Variants in SLC26A9 observed in about 807,000 individuals in gnomAD.
The protein encoded by SLC26A9 is anion transporter/exchanger protein 9.
SLC26A9 carries 46 observed loss-of-function variants against 87.1 expected under a neutral mutation model. That is an observed-to-expected ratio of 0.53 (90% CI 0.42 to 0.67). The LOEUF (loss-of-function observed/expected upper bound fraction) is 0.67. Ranked by LOEUF, SLC26A9 falls within the 30% of genes least tolerant of loss-of-function variation. The pLI, the probability that SLC26A9 is intolerant of heterozygous loss-of-function variation, is 0.00. For missense variants in SLC26A9, 927 were observed against 1,018.3 expected, an observed-to-expected ratio of 0.91 and a Z score of 1.22; for synonymous variants, 437 against 409.1, an observed-to-expected ratio of 1.07 and a Z score of -0.82.
rs376870604 is a variant in SLC26A9, at chr1:205,917,624, T to C, written c.2257-270A>G. Reference sequence around the variant, plus strand: ...GTTTTACTCAGCTTAGAAAAACTATTGGCTAGCTGCCTGACCTTGGGGAAT... The same window carrying C: ...GTTTTACTCAGCTTAGAAAAACTATCGGCTAGCTGCCTGACCTTGGGGAAT... On this transcript the variant is annotated intron_variant, in intron 19 of 20. Coordinates refer to ENST00000367135, the MANE Select transcript of SLC26A9 (RefSeq NM_052934.4). 1.0e-3 allele frequency among the ~76,000 whole-genome samples: 153 copies of C among 152,250 alleles called. 1 individual carries two copies. The highest frequency in any genetic ancestry group is 3.6e-3 in the African/African-American group (148 of 41,544).
rs563458297 is a variant in SLC26A9 at position 205,942,829 on chromosome 1, T to C, written c.-19+536A>G. 9.8e-5 allele frequency among the ~76,000 whole-genome samples: 15 copies of C among 152,298 alleles called. No individual in the cohort carries two copies. The South Asian group carries it at 1.7e-3, about 17-fold the overall frequency. ...ACCTCTTCCAACTTCTCAGGACTAATGGGGACACATGGGATTCTGTGTAGT... is the reference window on the plus strand; with the variant it reads ...ACCTCTTCCAACTTCTCAGGACTAACGGGGACACATGGGATTCTGTGTAGT... On this transcript the variant is annotated intron_variant, in intron 1 of 20. Coordinates refer to ENST00000367135, the MANE Select transcript of SLC26A9 (RefSeq NM_052934.4).
At chr1:205,927,879 C>A in intron 9 of SLC26A9, 23 bp downstream of exon 9, 3 of 1,611,290 alleles carry the variant, frequency 1.9e-6, no homozygotes, top group Non-Finnish European at 2.5e-6. Flanking sequence ...CTGCCCAGTC[C>A]TGCCGGGGGT....
At chr1:205,924,012 T>C (rs911931337) in intron 13 of SLC26A9, among the ~76,000 whole-genome samples, 3 of 152,184 alleles carry the variant, frequency 2.0e-5, no homozygotes, top group Admixed American at 6.5e-5. Flanking sequence ...ACACAGCTTC[T>C]GTCTTCCACC....
intron 6 of SLC26A9, 62 bp downstream of exon 6, chr1:205,929,830 C>T (rs1177795823): frequency 2.0e-6 from 3 of 1,515,246 alleles, no homozygotes; most frequent in Non-Finnish European, 2.7e-6. Context: ...TAAAACAGTA[C>T]ATCCTCCTCA....
At chr1:205,922,584 G>T (rs908967060) in intron 16 of SLC26A9, among the ~76,000 whole-genome samples, 2 of 152,214 alleles carry the variant, frequency 1.3e-5, no homozygotes, top group African/African-American at 4.8e-5. Flanking sequence ...GCTTCCCTGG[G>T]AGATGGTAGC....
At chr1:205,935,940 G>T in intron 1 of SLC26A9, 102 bp from the exon 2 acceptor site, 2 of 1,362,660 alleles carry the variant, frequency 1.5e-6, no homozygotes, top group Non-Finnish European at 1.9e-6. Flanking sequence ...TTTTATTCTG[G>T]CCTTCCCCGC....
intron 20 of SLC26A9, 99 bp from the exon 21 acceptor site, chr1:205,915,503 G>T: frequency 6.6e-7 from 1 of 1,508,866 alleles, no homozygotes; most frequent in Non-Finnish European, 9.1e-7. Flanking sequence ...GGAACCCCTG[G>T]CCAGAACAAA....
At chr1:205,922,720 T>C (rs35648260) in intron 16 of SLC26A9, among the ~76,000 whole-genome samples, 2 of 152,104 alleles carry the variant, frequency 1.3e-5, no homozygotes, top group Admixed American at 6.5e-5. Flanking sequence ...CTGGCCAACA[T>C]GGTGAAACCC....
intron 10 of SLC26A9, 97 bp downstream of exon 10, chr1:205,927,395 G>C: frequency 6.5e-7 from 1 of 1,546,464 alleles, no homozygotes; most frequent in Non-Finnish European, 8.9e-7. Context: ...GGGAAGAAGG[G>C]GTCGGAGAAG....
chr1:205,923,292 ACT>A (rs1210679448), intron 15 of SLC26A9, 41 bp downstream of exon 15: 2 of 1,611,210 alleles, frequency 1.2e-6, no homozygotes, highest in Non-Finnish European at 1.7e-6. Flanking sequence ...TTTTCCGGCC[ACT>A]CTCTGTCCAG....
intron 11 of SLC26A9, 72 bp from the exon 12 acceptor site, chr1:205,926,702 C>A (rs1336282240): frequency 2.4e-6 from 3 of 1,253,572 alleles, no homozygotes; most frequent in African/African-American, 3.0e-5. Context: ...CATACCCGAC[C>A]CCAAGGCCTG....
intron 18 of SLC26A9, among the ~76,000 whole-genome samples, chr1:205,919,447 C>T (rs368359411): frequency 1.2e-4 from 18 of 152,114 alleles, no homozygotes; most frequent in East Asian, 7.7e-4. Flanking sequence ...CTTCTAACTC[C>T]AGAACATATC....
intron 1 of SLC26A9, among the ~76,000 whole-genome samples, chr1:205,938,275 C>T (rs933415517): frequency 6.6e-6 from 1 of 151,326 alleles, no homozygotes; most frequent in African/African-American, 2.4e-5. Flanking sequence ...CGCTTCCTTC[C>T]TTCCTTCCTT....
intron 5 of SLC26A9, among the ~76,000 whole-genome samples, chr1:205,931,568 G>A (rs1331926236): frequency 6.8e-6 from 1 of 146,860 alleles, no homozygotes; most frequent in South Asian, 2.2e-4. Flanking sequence ...CCGGATTCAA[G>A]TGATTCTCCT....
At position 205,931,957 on chromosome 1, in the gene SLC26A9, T is replaced by G. The variant is rs755837191; in HGVS notation, c.455A>C (p.Asn152Thr). ...CACATAGCTCTCATTGGTGGCATTG[T>G]TGAAGACCTGGAATTTCGACTCTGG... ...LAPESKFQVF[N>T]NATNESYVDT... The change falls in exon 5 of 21, where the codon AAC becomes ACC. Residue 152 changes from asparagine (N) to threonine (T), a missense_variant. Transcript: ENST00000367135. 1 of 1,614,222 alleles carries G rather than the reference T, an allele frequency of 6.2e-7. No individual in the cohort carries two copies. The highest frequency in any genetic ancestry group is 8.5e-7 in the Non-Finnish European group (1 of 1,180,038).
In SLC26A9 at chr1:205,914,975, C is replaced by T. The variant is rs748961360; in HGVS notation, c.*382G>A. On this transcript the variant is annotated 3_prime_UTR_variant, in exon 21 of 21. Transcript: ENST00000367135. The stretch of plus-strand genomic sequence containing the variant: ...TTTTGAAGCTTGTACAGCAGGCCAG[C>T]ACAGTTGTACTTGTCCTTCTGTTTT... The T allele has an allele frequency of 8.1e-6, 13 of 1,614,086 alleles. No homozygotes were observed. In the Admixed American group the frequency reaches 1.5e-4, roughly 19 times the overall value.
rs779611544 is a variant in SLC26A9 at position 205,915,445 on chromosome 1, G to A, written c.2329-41C>T. 6 of 1,613,292 alleles carry A rather than the reference G, an allele frequency of 3.7e-6. No homozygotes were observed. The African/African-American group carries it at 6.7e-5, about 18-fold the overall frequency. On this transcript the variant is annotated intron_variant, in intron 20 of 20. Coordinates refer to ENST00000367135, the MANE Select transcript of SLC26A9 (RefSeq NM_052934.4). ...GAAGGAAGTGGGAGGGGAAGAGAGAGGTTAGACCAGTTGGGGTCACAGTGG... is the reference window on the plus strand; with the variant it reads ...GAAGGAAGTGGGAGGGGAAGAGAGAAGTTAGACCAGTTGGGGTCACAGTGG...
chr1:205,926,491 A>C lies in SLC26A9; in HGVS notation c.1389+44T>G, dbSNP rs764271764. 8 of 1,509,556 alleles carry C rather than the reference A, an allele frequency of 5.3e-6. No homozygotes were observed. The South Asian group carries it at 9.0e-5, about 17-fold the overall frequency. The allele number at this position is 1,509,556 out of a possible 1,614,324, so 93.5% of individuals were successfully genotyped here. On this transcript the variant is annotated intron_variant, in intron 12 of 20. Coordinates refer to ENST00000367135, the MANE Select transcript of SLC26A9 (RefSeq NM_052934.4). ...TGACAGGGCTGTGGGGTTGGAGGAG[A>C]GGGCAGGGGCATGGCCAGTACCCAG...
intron 2 of SLC26A9, chr1:205,935,037 T>G (rs1297264508): frequency 1.3e-5 from 2 of 152,244 alleles, no homozygotes; most frequent in Non-Finnish European, 2.9e-5. Flanking sequence ...GCCAGGAGTC[T>G]GGGAATGGGG....
Sources: gnomAD v4.1 joint callset for allele counts (sites outside exome capture counted in the v4.1 genomes callset) on GRCh38, gnomAD v4.1.1 for gene constraint, MANE v1.5 for transcripts, NCBI Gene and HGNC (gene_info 2026-07-23, HGNC 2026-07-21) for gene names.